PPFIA2: variants seen among roughly 807,000 people sequenced by gnomAD.
The protein encoded by PPFIA2 is PPFI scaffold protein A2, also known as liprin-alpha-2.
PPFIA2 carries 46 observed loss-of-function variants against 175.5 expected under a neutral mutation model. That is an observed-to-expected ratio of 0.26 (90% confidence interval 0.21 to 0.34). The LOEUF (loss-of-function observed/expected upper bound fraction) is 0.34. PPFIA2 is among the 10% of genes least tolerant of loss of function. The pLI is 1.00. For missense variants in PPFIA2, 1,179 were observed against 1,506.1 expected (o/e 0.78, Z 3.60); for synonymous variants, 568 against 511.4 (o/e 1.11, Z -1.49).
chr12:81,758,542 C>T, intron 1 of PPFIA2, 35 bp from the exon 2 acceptor site: 1 of 391,098 alleles, frequency 2.6e-6, no homozygotes, highest in South Asian at 1.8e-5. Context: ...CTCAGACACA[C>T]GCGTGCCCCG....
intron 7 of PPFIA2, among the ~76,000 whole-genome samples, chr12:81,416,627 TA>T (rs2045316176): frequency 6.6e-6 from 1 of 151,726 alleles, no homozygotes; most frequent in Admixed American, 6.6e-5. Context: ...TTGATTATTA[TA>T]AAGTACTTCT....
At chr12:81,437,179 C>T (rs891209742) in intron 7 of PPFIA2, among the ~76,000 whole-genome samples, 1 of 152,138 alleles carries the variant, frequency 6.6e-6, no homozygotes, top group African/African-American at 2.4e-5. Context: ...GGCTGCTGTT[C>T]AATTTTATGT....
intron 11 of PPFIA2, among the ~76,000 whole-genome samples, chr12:81,369,854 G>C (rs904474620): frequency 2.0e-5 from 3 of 151,690 alleles, no homozygotes; most frequent in Non-Finnish European, 4.4e-5. Flanking sequence ...TATGTGGAAA[G>C]AACTACATTG....
chr12:81,558,471 A>G (rs1179665729), intron 4 of PPFIA2, among the ~76,000 whole-genome samples: 1 of 152,194 alleles, frequency 6.6e-6, no homozygotes, highest in Non-Finnish European at 1.5e-5. Flanking sequence ...AATACAAATA[A>G]ATCAATAATA....
chr12:81,464,845 C>T (rs1325417586), intron 4 of PPFIA2, among the ~76,000 whole-genome samples: 1 of 148,962 alleles, frequency 6.7e-6, no homozygotes, highest in Non-Finnish European at 1.5e-5. Context: ...CATCTTTAAA[C>T]TCATTTTCTG....
At chr12:81,427,473 G>T (rs540627811) in intron 7 of PPFIA2, among the ~76,000 whole-genome samples, 74 of 152,088 alleles carry the variant, frequency 4.9e-4, no homozygotes, top group African/African-American at 1.7e-3. Flanking sequence ...CTCTAAAATT[G>T]CAGATGCTAT....
chr12:81,418,969 C>A (rs989322962), intron 7 of PPFIA2, among the ~76,000 whole-genome samples: 2 of 151,744 alleles, frequency 1.3e-5, no homozygotes, highest in Non-Finnish European at 2.9e-5. Flanking sequence ...AGAAAAAAAA[C>A]AGTTTAAAAT....
chr12:81,535,018 C>T (rs1338822349), intron 4 of PPFIA2, among the ~76,000 whole-genome samples: 1 of 151,598 alleles, frequency 6.6e-6, no homozygotes, highest in Non-Finnish European at 1.5e-5. Flanking sequence ...GTGTTATGGC[C>T]ACCATGCAAC....
At chr12:81,683,553 T>C (rs2074004127) in intron 3 of PPFIA2, among the ~76,000 whole-genome samples, 1 of 152,062 alleles carries the variant, frequency 6.6e-6, no homozygotes, top group Non-Finnish European at 1.5e-5. Context: ...ATGCCCTGTA[T>C]GATTTGGCTC....
At chr12:81,288,113 T>G (rs568313987) in intron 24 of PPFIA2, among the ~76,000 whole-genome samples, 1 of 152,008 alleles carries the variant, frequency 6.6e-6, no homozygotes, top group South Asian at 2.1e-4. Context: ...CAGTAGCACT[T>G]ACTAATGACT....
intron 4 of PPFIA2, among the ~76,000 whole-genome samples, chr12:81,523,517 T>C (rs1039076922): frequency 6.6e-6 from 1 of 152,228 alleles, no homozygotes; most frequent in African/African-American, 2.4e-5. Context: ...TTTTTGTCAT[T>C]AGAACACTTG....
intron 4 of PPFIA2, among the ~76,000 whole-genome samples, chr12:81,529,976 G>GT (rs1254837544): frequency 2.0e-5 from 3 of 151,806 alleles, no homozygotes; most frequent in East Asian, 1.9e-4. Context: ...TAAAATAAAA[G>GT]TTTTTTAAAA....
intron 3 of PPFIA2, among the ~76,000 whole-genome samples, chr12:81,732,644 C>A (rs2081071732): frequency 6.7e-6 from 1 of 149,818 alleles, no homozygotes; most frequent in Non-Finnish European, 1.5e-5. Context: ...AGCAAAAAAG[C>A]AAAATAATAT....
At chr12:81,482,107 C>T (rs185270453) in intron 4 of PPFIA2, among the ~76,000 whole-genome samples, 44 of 152,076 alleles carry the variant, frequency 2.9e-4, no homozygotes, top group African/African-American at 8.9e-4. Context: ...CAAAAGAAGA[C>T]ATTTATGCGG....
chr12:81,638,576 G>A (rs1388188016), intron 4 of PPFIA2, among the ~76,000 whole-genome samples: 3 of 151,010 alleles, frequency 2.0e-5, no homozygotes, highest in Non-Finnish European at 4.4e-5. Flanking sequence ...CAAGATGATC[G>A]CTTTATAAAT....
chr12:81,673,057 G>A (rs1314443985), intron 4 of PPFIA2, among the ~76,000 whole-genome samples: 1 of 151,934 alleles, frequency 6.6e-6, no homozygotes, highest in Non-Finnish European at 1.5e-5. Flanking sequence ...TAACTCGTAT[G>A]GCCAAGCTGA....
At chr12:81,641,800 A>G (rs990206658) in intron 4 of PPFIA2, among the ~76,000 whole-genome samples, 13 of 152,190 alleles carry the variant, frequency 8.5e-5, no homozygotes, top group African/African-American at 3.1e-4. Flanking sequence ...ATGAATATTT[A>G]CTATTTTAAA....
intron 4 of PPFIA2, among the ~76,000 whole-genome samples, chr12:81,607,057 A>G (rs2060399556): frequency 6.6e-6 from 1 of 151,970 alleles, no homozygotes; most frequent in African/African-American, 2.4e-5. Context: ...CAGCACCATT[A>G]ATTGAATAGG....
At chr12:81,452,834 T>A (rs1458286496) in intron 5 of PPFIA2, among the ~76,000 whole-genome samples, 1 of 152,150 alleles carries the variant, frequency 6.6e-6, no homozygotes, top group African/African-American at 2.4e-5. Flanking sequence ...AGTGAGGGCA[T>A]GGTAAGAAAT....
Sources: gnomAD v4.1 joint callset for allele counts (sites outside exome capture counted in the v4.1 genomes callset) on GRCh38, gnomAD v4.1.1 for gene constraint, MANE v1.5 for transcripts, NCBI Gene and HGNC (gene_info 2026-07-23, HGNC 2026-07-21) for gene names.